TPST1: variants seen among roughly 807,000 people sequenced by gnomAD.
TPST1 encodes the protein protein-tyrosine sulfotransferase 1.
In TPST1, 20 loss-of-function variants were observed where a neutral mutation model predicts 34.8. The observed-to-expected ratio is 0.57, with a 90% CI of 0.40 to 0.84. The LOEUF is 0.84. TPST1 is among the 40% of genes least tolerant of loss of function. The probability of loss-of-function intolerance (pLI) is 0.00; values close to 1 mark genes in which losing one functional copy is unlikely to be tolerated. For synonymous variants in TPST1, 152 were observed against 159.4 expected (o/e 0.95, Z 0.35); for missense variants, 353 against 455.5 (o/e 0.78, Z 2.05).
chr7:66,323,696 T>A (rs1791803983), intron 3 of TPST1, among the ~76,000 whole-genome samples: 1 of 152,230 alleles, frequency 6.6e-6, no homozygotes, highest in African/African-American at 2.4e-5. Flanking sequence ...AATAAAAATT[T>A]ACATCACCCA....
chr7:66,245,343 A>G (rs1790124833), intron 2 of TPST1, among the ~76,000 whole-genome samples: 1 of 152,194 alleles, frequency 6.6e-6, no homozygotes, highest in Non-Finnish European at 1.5e-5. Flanking sequence ...GGTGAGGGTC[A>G]GTGGATGGAA....
intron 3 of TPST1, among the ~76,000 whole-genome samples, chr7:66,307,610 C>G (rs1272749763): frequency 6.6e-6 from 1 of 152,202 alleles, no homozygotes; most frequent in Non-Finnish European, 1.5e-5. Context: ...GATCATCCTG[C>G]TACAGATGGC....
intron 1 of TPST1, among the ~76,000 whole-genome samples, chr7:66,206,475 T>G (rs1405449468): frequency 6.6e-6 from 1 of 152,184 alleles, no homozygotes; most frequent in Non-Finnish European, 1.5e-5. Flanking sequence ...AAGAATGGTA[T>G]GGGAGATGGC....
intron 3 of TPST1, among the ~76,000 whole-genome samples, chr7:66,320,245 C>CTTTTTTTTTTTTTTTTTTT (rs569746911): frequency 1.7e-4 from 22 of 126,384 alleles, no homozygotes; most frequent in East Asian, 4.5e-4. Flanking sequence ...TTTTCTTTTT[C>CTTTTTTTTTTTTTTTTTTT]TTTTTTTTTT....
chr7:66,225,293 A>G (rs1350800271), intron 1 of TPST1, among the ~76,000 whole-genome samples: 2 of 152,094 alleles, frequency 1.3e-5, no homozygotes, highest in African/African-American at 4.8e-5. Flanking sequence ...GCTGTCTGAA[A>G]ATACAGCAAA....
upstream of TPST1, among the ~76,000 whole-genome samples, chr7:66,203,407 C>T (rs1789055209): frequency 6.7e-6 from 1 of 149,656 alleles, no homozygotes; most frequent in Non-Finnish European, 1.5e-5. Flanking sequence ...ACCCAGTCAG[C>T]TGATTATCTG....
chr7:66,271,262 C>T (rs1790698385), intron 2 of TPST1, among the ~76,000 whole-genome samples: 1 of 152,132 alleles, frequency 6.6e-6, no homozygotes. Flanking sequence ...GGTATGATAA[C>T]ATCTGGTGTG....
chr7:66,306,496 T>G (rs934458227), intron 3 of TPST1, among the ~76,000 whole-genome samples: 4 of 152,186 alleles, frequency 2.6e-5, no homozygotes, highest in African/African-American at 9.7e-5. Flanking sequence ...CTGCTTGCTC[T>G]GACCAGAAAG....
Position 66,344,966 on chromosome 7 carries a change from C to T in TPST1, c.1045-7539C>T, listed in dbSNP as rs1270016545. Reference sequence around the variant, plus strand: ...GTCTCGATCTCCTGACCTTGTGATCCGCCCGCCTCGGCCTCCCAAAGTGCT... The same window carrying T: ...GTCTCGATCTCCTGACCTTGTGATCTGCCCGCCTCGGCCTCCCAAAGTGCT... On this transcript the variant is annotated intron_variant, in intron 3 of 5. Coordinates refer to ENST00000304842, the MANE Select transcript of TPST1 (RefSeq NM_003596.4). Among the ~76,000 whole-genome samples, 7 of 150,586 alleles carry T rather than the reference C, an allele frequency of 4.6e-5. No individual in the cohort carries two copies. The South Asian group carries it at 1.0e-3, about 23-fold the overall frequency.
chr7:66,357,867 C>T (rs1792612217), intron 5 of TPST1, among the ~76,000 whole-genome samples: 2 of 152,146 alleles, frequency 1.3e-5, no homozygotes, highest in Non-Finnish European at 2.9e-5. Context: ...GGGCAGATCA[C>T]AAGGTCAGGA....
chr7:66,267,596 C>A, intron 2 of TPST1, among the ~76,000 whole-genome samples: 1 of 152,084 alleles, frequency 6.6e-6, no homozygotes, highest in Non-Finnish European at 1.5e-5. Flanking sequence ...GAGATATGAC[C>A]GAGAAACAGG....
At chr7:66,353,505 C>G (rs1463676485) in intron 4 of TPST1, among the ~76,000 whole-genome samples, 3 of 152,142 alleles carry the variant, frequency 2.0e-5, no homozygotes, top group African/African-American at 7.2e-5. Flanking sequence ...AGAGTTTTCC[C>G]TGTAACGTCT....
chr7:66,352,596 G>A lies in TPST1; in HGVS notation c.1095+41G>A, dbSNP rs548324948. On this transcript the variant is annotated intron_variant, in intron 4 of 5. Transcript: ENST00000304842. ...TTTCCTCCTGATGTATACTAGATTG[G>A]CTCTTGCATTGAAGTAATATTTTTA... The A allele has an allele frequency of 5.0e-6, 8 of 1,593,344 alleles. No homozygotes were observed. The African/African-American group carries it at 8.2e-5, about 16-fold the overall frequency.
chr7:66,208,802 T>C (rs572330093), intron 1 of TPST1, among the ~76,000 whole-genome samples: 4 of 152,278 alleles, frequency 2.6e-5, no homozygotes, highest in Admixed American at 6.5e-5. Context: ...TGTTTTCTTA[T>C]TTTTCTCACT....
At chr7:66,349,756 T>TC (rs1164324504) in intron 3 of TPST1, among the ~76,000 whole-genome samples, 4 of 152,074 alleles carry the variant, frequency 2.6e-5, no homozygotes, top group Non-Finnish European at 4.4e-5. Context: ...GGCTGGGACT[T>TC]CATTTCTTGA....
At chr7:66,232,201 A>ATTTTTT (rs1319878540) in intron 1 of TPST1, among the ~76,000 whole-genome samples, 3 of 113,898 alleles carry the variant, frequency 2.6e-5, no homozygotes, top group African/African-American at 6.9e-5. Flanking sequence ...ATTAAAAAAA[A>ATTTTTT]TTTTTTTTTT....
upstream of TPST1, among the ~76,000 whole-genome samples, chr7:66,203,483 C>A (rs1789056563): frequency 1.4e-5 from 2 of 147,704 alleles, no homozygotes; most frequent in Admixed American, 6.8e-5. Context: ...CACACAAAAA[C>A]TTCTTTTTTT....
chr7:66,272,490 C>A (rs1486146556), intron 2 of TPST1, among the ~76,000 whole-genome samples: 1 of 151,790 alleles, frequency 6.6e-6, no homozygotes, highest in Non-Finnish European at 1.5e-5. Context: ...TAAAGACTAT[C>A]ATAAGCCCAC....
chr7:66,237,099 A>G (rs1445333608), intron 1 of TPST1, among the ~76,000 whole-genome samples: 1 of 152,028 alleles, frequency 6.6e-6, no homozygotes, highest in Non-Finnish European at 1.5e-5. Context: ...CCAGACTGCA[A>G]CCTCCACCTT....
Sources: gnomAD v4.1 joint callset for allele counts (sites outside exome capture counted in the v4.1 genomes callset) on GRCh38, gnomAD v4.1.1 for gene constraint, MANE v1.5 for transcripts, NCBI Gene and HGNC (gene_info 2026-07-23, HGNC 2026-07-21) for gene names.